MAN1A1: variants seen among roughly 807,000 people sequenced by gnomAD.
MAN1A1 encodes the protein mannosyl-oligosaccharide 1,2-alpha-mannosidase IA.
In MAN1A1, 29 loss-of-function variants were observed where a neutral mutation model predicts 70.8. That is an observed-to-expected ratio of 0.41 (90% CI 0.31 to 0.56). MAN1A1 has a LOEUF of 0.56. Among genes scored for constraint, MAN1A1 ranks in the 20% least tolerant of loss-of-function variants. The pLI, the probability that MAN1A1 is intolerant of heterozygous loss-of-function variation, is 0.29. For synonymous variants in MAN1A1, 349 were observed against 330.1 expected (o/e 1.06, Z -0.62); for missense variants, 747 against 841.3 (o/e 0.89, Z 1.39).
chr6:119,308,463 A>T (rs1288236721), intron 2 of MAN1A1, among the ~76,000 whole-genome samples: 1 of 152,164 alleles, frequency 6.6e-6, no homozygotes, highest in East Asian at 1.9e-4. Flanking sequence ...CTACAACGCC[A>T]CTGATGAGTC....
intron 5 of MAN1A1, among the ~76,000 whole-genome samples, chr6:119,249,032 T>C (rs933776931): frequency 3.9e-5 from 6 of 152,092 alleles, no homozygotes; most frequent in African/African-American, 1.4e-4. Flanking sequence ...GTGAGTTCAG[T>C]GAGACTGTAT....
intron 4 of MAN1A1, among the ~76,000 whole-genome samples, chr6:119,300,445 G>A (rs1040117566): frequency 5.3e-5 from 8 of 151,810 alleles, no homozygotes; most frequent in Non-Finnish European, 8.8e-5. Flanking sequence ...TAGTAGAGAC[G>A]GGGTTTCACC....
intron 5 of MAN1A1, among the ~76,000 whole-genome samples, chr6:119,249,964 A>G (rs2114327305): frequency 6.6e-6 from 1 of 152,326 alleles, no homozygotes; most frequent in Non-Finnish European, 1.5e-5. Flanking sequence ...AAGGAAATAC[A>G]TTTGTAGTAT....
chr6:119,204,019 C>T (rs1773789220), intron 7 of MAN1A1, among the ~76,000 whole-genome samples: 1 of 151,858 alleles, frequency 6.6e-6, no homozygotes, highest in African/African-American at 2.4e-5. Context: ...GAGGAGGACA[C>T]AAAAAAGACA....
chr6:119,335,984 A>C (rs1332743313), intron 2 of MAN1A1, among the ~76,000 whole-genome samples: 1 of 152,246 alleles, frequency 6.6e-6, no homozygotes, highest in Admixed American at 6.5e-5. Flanking sequence ...CAGAAGCATC[A>C]GTATCACCTA....
intron 5 of MAN1A1, among the ~76,000 whole-genome samples, chr6:119,274,650 G>A (rs1331612343): frequency 6.6e-6 from 1 of 151,834 alleles, no homozygotes; most frequent in African/African-American, 2.4e-5. Context: ...CTGAGAAAAG[G>A]CTGAATGTAT....
intron 4 of MAN1A1, among the ~76,000 whole-genome samples, chr6:119,294,622 T>TGTA (rs1220916650): frequency 6.6e-5 from 10 of 152,144 alleles, no homozygotes; most frequent in African/African-American, 2.2e-4. Context: ...TTAAATTCCA[T>TGTA]GTACCTATTA....
At chr6:119,313,739 T>C (rs1011692193) in intron 2 of MAN1A1, among the ~76,000 whole-genome samples, 6 of 151,590 alleles carry the variant, frequency 4.0e-5, no homozygotes, top group Middle Eastern at 3.2e-3. Context: ...CCTAGGACAA[T>C]GGGATAGGAC....
At chr6:119,329,635 C>T (rs56969807) in intron 2 of MAN1A1, among the ~76,000 whole-genome samples, 5 of 152,186 alleles carry the variant, frequency 3.3e-5, no homozygotes, top group Admixed American at 2.0e-4. Flanking sequence ...AAAAATCAAA[C>T]GAGTGAGCAG....
intron 2 of MAN1A1, among the ~76,000 whole-genome samples, chr6:119,324,531 TG>T (rs1170765183): frequency 6.6e-6 from 1 of 152,168 alleles, no homozygotes; most frequent in African/African-American, 2.4e-5. Context: ...AGAACCTCAC[TG>T]GAAAATTAGA....
rs557316341 is a variant in MAN1A1, at chr6:119,312,031, C to T, written c.604-5039G>A. Among the ~76,000 whole-genome samples, 3 of 152,220 alleles carry T rather than the reference C, an allele frequency of 2.0e-5. No individual in the cohort carries two copies. The East Asian group carries it at 5.8e-4, about 29-fold the overall frequency. On this transcript the variant is annotated intron_variant, in intron 2 of 12. Coordinates refer to ENST00000368468, the MANE Select transcript of MAN1A1 (RefSeq NM_005907.4). The stretch of plus-strand genomic sequence containing the variant: ...AACCTAGAGACCAACAGACAGAGGC[C>T]ATGTTTGGCTCACTTATATAACAGT...
intron 2 of MAN1A1, among the ~76,000 whole-genome samples, chr6:119,340,260 C>G (rs1460096151): frequency 6.6e-6 from 1 of 152,118 alleles, no homozygotes; most frequent in African/African-American, 2.4e-5. Context: ...TGAGGAAACA[C>G]ACTCCCCTTT....
intron 4 of MAN1A1, among the ~76,000 whole-genome samples, chr6:119,294,280 C>T (rs1450760206): frequency 6.6e-6 from 1 of 151,894 alleles, no homozygotes; most frequent in Non-Finnish European, 1.5e-5. Flanking sequence ...ATTCTAATTT[C>T]CATTAAATAA....
intron 12 of MAN1A1, 69 bp downstream of exon 12, chr6:119,180,243 T>G (rs564741348): frequency 9.4e-7 from 1 of 1,065,312 alleles, no homozygotes; most frequent in South Asian, 1.4e-5. Flanking sequence ...AATGTGTTCA[T>G]GATAAAGACA....
At chr6:119,209,280 T>C (rs1773979148) in intron 6 of MAN1A1, among the ~76,000 whole-genome samples, 1 of 152,182 alleles carries the variant, frequency 6.6e-6, no homozygotes, top group Non-Finnish European at 1.5e-5. Context: ...TGATTAGCTA[T>C]GACTTTCGAT....
At chr6:119,203,052 G>C (rs1418518485) in intron 7 of MAN1A1, among the ~76,000 whole-genome samples, 2 of 152,042 alleles carry the variant, frequency 1.3e-5, no homozygotes, top group Non-Finnish European at 2.9e-5. Flanking sequence ...ACACACACTG[G>C]GACAGTTCTC....
At chr6:119,348,339 G>T in intron 2 of MAN1A1, 124 bp downstream of exon 2, 1 of 950,720 alleles carries the variant, frequency 1.1e-6, no homozygotes, top group Non-Finnish European at 1.5e-6. Flanking sequence ...AGCACCTGGT[G>T]GAAGGGGCAA....
At chr6:119,283,249 A>G (rs867592938) in intron 5 of MAN1A1, among the ~76,000 whole-genome samples, 2 of 152,160 alleles carry the variant, frequency 1.3e-5, no homozygotes, top group Non-Finnish European at 2.9e-5. Flanking sequence ...TATTTATATT[A>G]TCCATGTACA....
intron 5 of MAN1A1, among the ~76,000 whole-genome samples, chr6:119,268,788 T>G (rs932549544): frequency 6.6e-6 from 1 of 152,136 alleles, no homozygotes; most frequent in African/African-American, 2.4e-5. Flanking sequence ...GGTTTCATAA[T>G]GTTGCCCAGG....
Sources: gnomAD v4.1 joint callset for allele counts (sites outside exome capture counted in the v4.1 genomes callset) on GRCh38, gnomAD v4.1.1 for gene constraint, MANE v1.5 for transcripts, NCBI Gene and HGNC (gene_info 2026-07-23, HGNC 2026-07-21) for gene names.